Variants in TAFA2 observed in about 807,000 individuals in gnomAD.
The protein encoded by TAFA2 is chemokine-like protein TAFA-2.
In TAFA2, 7 loss-of-function variants were observed where a neutral mutation model predicts 18.8. The ratio of observed to expected loss-of-function variants is 0.37; its 90% CI spans 0.21 to 0.70. The LOEUF is 0.70. TAFA2 is among the 30% of genes least tolerant of loss of function. The probability of loss-of-function intolerance (pLI) is 0.53; values close to 1 mark genes in which losing one functional copy is unlikely to be tolerated. For missense variants in TAFA2, 122 were observed against 158.1 expected (o/e 0.77, Z 1.23); for synonymous variants, 60 against 54.2 (o/e 1.11, Z -0.47).
chr12:62,194,958 T>TA (rs1235484520), upstream of TAFA2, among the ~76,000 whole-genome samples: 2 of 152,278 alleles, frequency 1.3e-5, no homozygotes, highest in Admixed American at 6.5e-5. Flanking sequence ...ATGCTTTTTT[T>TA]AAAAAAAGTG....
intron 1 of TAFA2, among the ~76,000 whole-genome samples, chr12:61,924,599 T>C (rs989400629): frequency 6.6e-6 from 1 of 152,024 alleles, no homozygotes; most frequent in Non-Finnish European, 1.5e-5. Context: ...GTACTAAATA[T>C]GTAAAGGAAA....
At chr12:62,042,759 A>G (rs79860301) in intron 1 of TAFA2, among the ~76,000 whole-genome samples, 1 of 152,148 alleles carries the variant, frequency 6.6e-6, no homozygotes, top group Non-Finnish European at 1.5e-5. Context: ...ATATCATCTC[A>G]ATGCCTGCCT....
At chr12:61,768,512 C>T (rs985265372) in intron 2 of TAFA2, among the ~76,000 whole-genome samples, 2 of 152,104 alleles carry the variant, frequency 1.3e-5, no homozygotes, top group African/African-American at 4.8e-5. Context: ...TGTGAGTAAC[C>T]AAAGTGTGAG....
chr12:62,078,514 T>C (rs1417868869), intron 1 of TAFA2, among the ~76,000 whole-genome samples: 2 of 152,074 alleles, frequency 1.3e-5, no homozygotes, highest in Admixed American at 6.5e-5. Flanking sequence ...CATAATCTCA[T>C]TATAATACTA....
At chr12:62,129,640 G>T (rs1038870395) in intron 1 of TAFA2, among the ~76,000 whole-genome samples, 1 of 152,016 alleles carries the variant, frequency 6.6e-6, no homozygotes, top group African/African-American at 2.4e-5. Flanking sequence ...TTTAAAAAAT[G>T]TTAAGTGCAG....
chr12:62,206,248 C>T (rs543829430), intron 1 of TAFA2, among the ~76,000 whole-genome samples: 38 of 152,282 alleles, frequency 2.5e-4, no homozygotes, highest in African/African-American at 9.1e-4. Flanking sequence ...GTATTCCCAT[C>T]ATAGATGAAA....
At chr12:62,215,578 A>G (rs918131675) in intron 1 of TAFA2, among the ~76,000 whole-genome samples, 1 of 140,736 alleles carries the variant, frequency 7.1e-6, no homozygotes, top group African/African-American at 2.6e-5. Context: ...AAAAAAAAAA[A>G]AGGGGCGGAA....
At chr12:62,214,459 C>A (rs1015664739) in intron 1 of TAFA2, among the ~76,000 whole-genome samples, 1 of 152,138 alleles carries the variant, frequency 6.6e-6, no homozygotes, top group Non-Finnish European at 1.5e-5. Context: ...AACTGTAAGT[C>A]CATTAAACCA....
intron 1 of TAFA2, among the ~76,000 whole-genome samples, chr12:61,964,098 G>A (rs546295047): frequency 3.3e-5 from 5 of 151,974 alleles, no homozygotes; most frequent in South Asian, 4.1e-4. Context: ...AGACTTAAAC[G>A]TAAGACCTAA....
chr12:61,941,573 T>C (rs1460507508), intron 1 of TAFA2, among the ~76,000 whole-genome samples: 1 of 152,120 alleles, frequency 6.6e-6, no homozygotes, highest in Non-Finnish European at 1.5e-5. Flanking sequence ...TGCCAGACAG[T>C]GGGCGCAGGC....
At chr12:62,131,750 C>T (rs1056674548) in intron 1 of TAFA2, among the ~76,000 whole-genome samples, 4 of 152,086 alleles carry the variant, frequency 2.6e-5, no homozygotes, top group Admixed American at 2.0e-4. Flanking sequence ...TTAATCTCTA[C>T]TTTAAAGGAG....
At chr12:62,088,825 A>T (rs910429639) in intron 1 of TAFA2, among the ~76,000 whole-genome samples, 1 of 150,018 alleles carries the variant, frequency 6.7e-6, no homozygotes, top group Non-Finnish European at 1.5e-5. Flanking sequence ...TTGCATTCTG[A>T]AAAAAACCAC....
intron 2 of TAFA2, among the ~76,000 whole-genome samples, chr12:61,811,780 T>A (rs946622233): frequency 2.6e-5 from 4 of 151,228 alleles, no homozygotes; most frequent in Admixed American, 2.0e-4. Flanking sequence ...AGTGGACACA[T>A]AAATATCTAT....
chr12:62,237,262 C>T (rs1177616647), intron 1 of TAFA2, among the ~76,000 whole-genome samples: 1 of 152,202 alleles, frequency 6.6e-6, no homozygotes, highest in Non-Finnish European at 1.5e-5. Flanking sequence ...AATCCCAGCA[C>T]TTTGGGAGGC....
At chr12:62,148,094 T>C (rs2062300472) in intron 1 of TAFA2, among the ~76,000 whole-genome samples, 1 of 152,196 alleles carries the variant, frequency 6.6e-6, no homozygotes, top group Non-Finnish European at 1.5e-5. Context: ...GAGAAAAATG[T>C]ATGCTTATAC....
intron 1 of TAFA2, among the ~76,000 whole-genome samples, chr12:62,105,080 G>C (rs753213523): frequency 1.3e-5 from 2 of 152,112 alleles, no homozygotes; most frequent in African/African-American, 2.4e-5. Flanking sequence ...GTTTTCTACA[G>C]AGAGAATTAA....
intron 1 of TAFA2, among the ~76,000 whole-genome samples, chr12:61,935,866 C>A (rs1275888358): frequency 6.6e-6 from 1 of 151,234 alleles, no homozygotes; most frequent in Admixed American, 6.6e-5. Context: ...AAAAAAAAAA[C>A]TTACCAAACA....
intron 1 of TAFA2, among the ~76,000 whole-genome samples, chr12:62,079,128 G>A (rs935353961): frequency 6.6e-5 from 10 of 152,154 alleles, no homozygotes; most frequent in South Asian, 2.1e-4. Flanking sequence ...TCTCTCCAGC[G>A]TCAGCTCTTC....
At chr12:62,137,494 T>G (rs1870944951) in intron 1 of TAFA2, among the ~76,000 whole-genome samples, 1 of 152,138 alleles carries the variant, frequency 6.6e-6, no homozygotes, top group South Asian at 2.1e-4. Flanking sequence ...CTCGGAATTA[T>G]CTCATTCCAA....
Sources: allele counts gnomAD v4.1 joint callset (sites outside exome capture counted in the v4.1 genomes callset), GRCh38; gene constraint gnomAD v4.1.1; transcripts MANE v1.5; gene names NCBI Gene and HGNC (gene_info 2026-07-23, HGNC 2026-07-21).